MACROD2: variants seen among roughly 807,000 people sequenced by gnomAD.
MACROD2 encodes the protein mono-ADP ribosylhydrolase 2, also known as ADP-ribose glycohydrolase MACROD2.
MACROD2 carries 36 observed loss-of-function variants against 70.4 expected under a neutral mutation model. The observed-to-expected ratio is 0.51, with a 90% CI of 0.39 to 0.68. The LOEUF (loss-of-function observed/expected upper bound fraction) is 0.68, where lower values mean the gene tolerates loss of function less well. MACROD2 is among the 30% of genes least tolerant of loss of function. The pLI, the probability that MACROD2 is intolerant of heterozygous loss-of-function variation, is 0.00. For synonymous variants in MACROD2, 172 were observed against 178.8 expected, an observed-to-expected ratio of 0.96 and a Z score of 0.30; for missense variants, 496 against 538.4, an observed-to-expected ratio of 0.92 and a Z score of 0.78.
chr20:14,269,389 T>A (rs1030715539), intron 3 of MACROD2, among the ~76,000 whole-genome samples: 1 of 152,192 alleles, frequency 6.6e-6, no homozygotes, highest in Non-Finnish European at 1.5e-5. Context: ...TGCTGAAGTT[T>A]TATTTGCTTT....
At chr20:15,307,120 G>A (rs557019047) in intron 6 of MACROD2, among the ~76,000 whole-genome samples, 65 of 152,238 alleles carry the variant, frequency 4.3e-4, no homozygotes, top group Middle Eastern at 6.8e-3. Context: ...CAACACTGGG[G>A]ATCACATTTC....
intron 8 of MACROD2, among the ~76,000 whole-genome samples, chr20:15,680,199 C>T (rs1288410017): frequency 6.6e-6 from 1 of 152,158 alleles, no homozygotes; most frequent in Non-Finnish European, 1.5e-5. Flanking sequence ...CACCATTTCC[C>T]TTTGCAGTGA....
chr20:15,741,858 CATAGTAGAGGTTCAATAA>C (rs1344798014), intron 8 of MACROD2, among the ~76,000 whole-genome samples: 1 of 152,116 alleles, frequency 6.6e-6, no homozygotes, highest in Non-Finnish European at 1.5e-5. Flanking sequence ...ATACTTTGAA[CATAGTAGAGGTTCAATAA>C]ATACTAGTTA....
intron 15 of MACROD2, among the ~76,000 whole-genome samples, chr20:16,022,555 C>T (rs67148464): frequency 0.094 from 14,298 of 152,130 alleles, 673 homozygotes; most frequent in East Asian, 0.14. Flanking sequence ...GATTACGAGG[C>T]TCTGCCAATC....
intron 15 of MACROD2, among the ~76,000 whole-genome samples, chr20:16,012,725 A>G (rs546798903): frequency 1.3e-5 from 2 of 152,346 alleles, no homozygotes; most frequent in African/African-American, 4.8e-5. Flanking sequence ...TTGGTTTACT[A>G]TGGTTATAGA....
intron 3 of MACROD2, among the ~76,000 whole-genome samples, chr20:14,466,383 A>G (rs1004603065): frequency 2.6e-4 from 40 of 152,006 alleles, no homozygotes; most frequent in African/African-American, 9.4e-4. Flanking sequence ...TTTCAGCTCC[A>G]TCAGGTCCTT....
intron 8 of MACROD2, among the ~76,000 whole-genome samples, chr20:15,517,987 AT>A (rs1343124324): frequency 2.0e-5 from 3 of 152,254 alleles, no homozygotes; most frequent in Non-Finnish European, 4.4e-5. Flanking sequence ...GGCACAGACC[AT>A]CAAAAGTCTG....
At chr20:14,392,096 T>C (rs1442984916) in intron 3 of MACROD2, among the ~76,000 whole-genome samples, 3 of 152,056 alleles carry the variant, frequency 2.0e-5, no homozygotes, top group Non-Finnish European at 4.4e-5. Context: ...TCTATTCCCA[T>C]AGAATACATT....
At chr20:16,030,471 GGGAA>G (rs2067138349) in intron 15 of MACROD2, among the ~76,000 whole-genome samples, 1 of 152,200 alleles carries the variant, frequency 6.6e-6, no homozygotes, top group Non-Finnish European at 1.5e-5. Flanking sequence ...GAGAAAGAGA[GGGAA>G]GGAAGGAAGA....
chr20:15,711,455 C>T (rs1401370323), intron 8 of MACROD2, among the ~76,000 whole-genome samples: 1 of 152,208 alleles, frequency 6.6e-6, no homozygotes, highest in Non-Finnish European at 1.5e-5. Context: ...CCTTAACTGT[C>T]AGGTTAGCCA....
At chr20:14,116,439 A>G (rs2054514582) in intron 3 of MACROD2, among the ~76,000 whole-genome samples, 1 of 152,182 alleles carries the variant, frequency 6.6e-6, no homozygotes, top group South Asian at 2.1e-4. Context: ...TGCTTCCTAT[A>G]ATCAAGACTT....
At chr20:15,035,877 T>TC (rs888011011) in intron 5 of MACROD2, among the ~76,000 whole-genome samples, 7 of 151,858 alleles carry the variant, frequency 4.6e-5, no homozygotes, top group African/African-American at 1.7e-4. Context: ...CCAGCCCTGC[T>TC]CCCCCTTTTT....
At chr20:15,684,004 G>T (rs968168143) in intron 8 of MACROD2, among the ~76,000 whole-genome samples, 2 of 152,174 alleles carry the variant, frequency 1.3e-5, no homozygotes, top group Non-Finnish European at 2.9e-5. Flanking sequence ...AATGACAGAT[G>T]ATTTCTTTTC....
intron 6 of MACROD2, among the ~76,000 whole-genome samples, chr20:15,284,159 G>T (rs1426506803): frequency 6.6e-6 from 1 of 151,900 alleles, no homozygotes; most frequent in African/African-American, 2.4e-5. Context: ...AAGATATCTT[G>T]TGCCTTTTTT....
At chr20:16,004,700 C>T (rs1249853681) in intron 15 of MACROD2, among the ~76,000 whole-genome samples, 1 of 152,266 alleles carries the variant, frequency 6.6e-6, no homozygotes, top group African/African-American at 2.4e-5. Flanking sequence ...GCAGGACCAG[C>T]CTGCAAGGCC....
At chr20:15,339,828 G>A (rs543918286) in intron 6 of MACROD2, among the ~76,000 whole-genome samples, 1 of 151,608 alleles carries the variant, frequency 6.6e-6, no homozygotes, top group Admixed American at 6.6e-5. Context: ...CATATCATTT[G>A]GCCTGATTTT....
chr20:14,393,722 A>T (rs943865077), intron 3 of MACROD2, among the ~76,000 whole-genome samples: 3 of 152,116 alleles, frequency 2.0e-5, no homozygotes, highest in Non-Finnish European at 4.4e-5. Context: ...TGCTTGCCAT[A>T]TGTGAGGGGA....
At chr20:14,467,122 G>GC (rs2084461940) in intron 3 of MACROD2, among the ~76,000 whole-genome samples, 6 of 152,108 alleles carry the variant, frequency 3.9e-5, no homozygotes, top group Admixed American at 2.6e-4. Context: ...TCTGTGCCCT[G>GC]CCCCCCAGAG....
At chr20:14,766,661 A>G (rs997035231) in intron 5 of MACROD2, among the ~76,000 whole-genome samples, 3 of 152,150 alleles carry the variant, frequency 2.0e-5, no homozygotes, top group Admixed American at 1.3e-4. Context: ...TATGTTTGAT[A>G]TTGAAGACAA....
Sources: allele counts gnomAD v4.1 joint callset (sites outside exome capture counted in the v4.1 genomes callset), GRCh38; gene constraint gnomAD v4.1.1; transcripts MANE v1.5; gene names NCBI Gene and HGNC (gene_info 2026-07-23, HGNC 2026-07-21).